Variants in TRMT44 observed in about 807,000 individuals in gnomAD.
TRMT44 encodes the protein probable tRNA (uracil-O(2)-)-methyltransferase.
In TRMT44, 78 loss-of-function variants were observed where a neutral mutation model predicts 77.3. The ratio of observed to expected loss-of-function variants is 1.01; its 90% confidence interval spans 0.84 to 1.22. The LOEUF is 1.22. TRMT44 is among the 50% of genes most tolerant of loss of function. The pLI, the probability that TRMT44 is intolerant of heterozygous loss-of-function variation, is 0.00. For missense variants in TRMT44, 1,090 were observed against 964.4 expected, an observed-to-expected ratio of 1.13 and a Z score of -1.73; for synonymous variants, 391 against 383.3, an observed-to-expected ratio of 1.02 and a Z score of -0.23.
Position 8,446,511 on chromosome 4 carries a change from G to A in TRMT44, c.655G>A (p.Glu219Lys). 1 of 1,536,540 alleles carries A rather than the reference G, an allele frequency of 6.5e-7. No homozygotes were observed. The highest frequency in any genetic ancestry group is 8.7e-7 in the Non-Finnish European group (1 of 1,146,976). ...LNGTITFLPL[E>K]EDDEGNLKVK... ...TGGAACCATAACGTTTTTGCCTTTG[G>A]AAGAAGATGATGAGGGGAACCTAAA... The change falls in exon 2 of 11, where the codon GAA (glutamate) becomes AAA (lysine). Residue 219 changes from glutamate to lysine, a missense_variant. Transcript: ENST00000389737. The surrounding 1 kb of genome is among the most constrained non-coding windows in gnomAD (Gnocchi z 4.3).
At chr4:8,469,467 G>C (rs1454872772) in intron 9 of TRMT44, among the ~76,000 whole-genome samples, 2 of 152,246 alleles carry the variant, frequency 1.3e-5, no homozygotes, top group Non-Finnish European at 1.5e-5. Flanking sequence ...TGGTCTGAAA[G>C]TTCCCACGTG....
chr4:8,480,073 C>T (rs765008932), downstream of TRMT44, among the ~76,000 whole-genome samples: 3 of 152,020 alleles, frequency 2.0e-5, no homozygotes, highest in African/African-American at 2.4e-5. Context: ...TGGACTGAAG[C>T]GGTCCTCCTG....
chr4:8,441,428 A>C lies in TRMT44; in HGVS notation c.606A>C (p.Glu202Asp). The C allele has an allele frequency of 1.3e-6, 2 of 1,516,424 alleles. No individual in the cohort carries two copies. 93.9% of individuals were successfully genotyped at this position (1,516,424 alleles called of 1,614,324 possible). The part of the protein sequence containing the change: ...PHCPLTTPRR[E>D]IVVQDVLNGT... Reference sequence around the variant, plus strand: ...GCCCCCTTACAACTCCCAGGAGGGAAATAGTCGTGCAAGGTAAGAGTGTTT... The same window carrying C: ...GCCCCCTTACAACTCCCAGGAGGGACATAGTCGTGCAAGGTAAGAGTGTTT... The change falls in exon 1 of 11, where the codon GAA (glutamate) becomes GAC (aspartate). Residue 202 changes from glutamate (E) to aspartate (D), a missense_variant. Transcript: ENST00000389737.
In TRMT44 at chr4:8,457,027, C is replaced by G. The variant is rs899727783; in HGVS notation, c.1203+2214C>G. 6.6e-4 allele frequency among the ~76,000 whole-genome samples: 71 copies of G among 108,266 alleles called. 1 individual carries two copies. The highest frequency in any genetic ancestry group is 2.1e-3 in the African/African-American group (58 of 28,044). The allele number at this position is 108,266 out of a possible 152,430, so 71.0% of individuals were successfully genotyped here. On this transcript the variant is annotated intron_variant, in intron 6 of 10. Coordinates refer to ENST00000389737, the MANE Select transcript of TRMT44 (RefSeq NM_152544.3). ...TATAGCAAGACACCCGCCCCCCCCC[C>G]CCAACTATCTCTACAAAAAATAAAA... is the stretch of plus-strand genomic sequence containing the variant.
downstream of TRMT44, among the ~76,000 whole-genome samples, chr4:8,494,614 A>G (rs1267680646): frequency 6.6e-6 from 1 of 152,156 alleles, no homozygotes. Context: ...ATGTTGATTG[A>G]TGTCTCATGT....
At chr4:8,462,398 C>T (rs1050002976) in intron 6 of TRMT44, among the ~76,000 whole-genome samples, 5 of 141,868 alleles carry the variant, frequency 3.5e-5, no homozygotes, top group African/African-American at 1.3e-4. Flanking sequence ...GCAACAAGAG[C>T]GATACTCCGT....
At position 8,441,036 on chromosome 4, in the gene TRMT44, C is replaced by G; in HGVS notation, c.214C>G (p.Pro72Ala). 2 of 1,493,228 alleles carry G rather than the reference C, an allele frequency of 1.3e-6. No homozygotes were observed. Among genetic ancestry groups the G allele is most frequent in the Non-Finnish European group, 1.8e-6 (2 of 1,128,124 alleles). The allele number at this position is 1,493,228 out of a possible 1,614,324, so 92.5% of individuals were successfully genotyped here. A position where few individuals can be genotyped will look rare whatever the true frequency, so the allele number is the denominator to read the frequency against. ...AGGCTCGGAGCAGAAGGAGCGGGGTCCGGGACCCGGCCAGGGTTCCCCCGG... is the reference window on the plus strand; with the variant it reads ...AGGCTCGGAGCAGAAGGAGCGGGGTGCGGGACCCGGCCAGGGTTCCCCCGG... ...SAGSEQKERG[P>A]GPGQGSPGGG... Residue 72 changes from proline (P) to alanine (A), a missense_variant, in exon 1 of 11, where the codon CCG (proline) becomes GCG (alanine). Physicochemically the swap from Pro to Ala is conservative, Grantham distance 27. Transcript: ENST00000389737.
In TRMT44 at chr4:8,461,264, A is replaced by C. The variant is rs1233911424; in HGVS notation, c.1204-2721A>C. ...TGTTTTCAAAACCTCAGGTTTGAGG[A>C]ATGTTGGTAATCTAGCCAGTGCACT... On this transcript the variant is annotated intron_variant, in intron 6 of 10. Transcript: ENST00000389737. The surrounding 1 kb of genome is among the most constrained non-coding windows in gnomAD (Gnocchi z 4.6). 6.6e-6 allele frequency among the ~76,000 whole-genome samples: 1 copy of C among 152,136 alleles called. No homozygotes were observed. Among genetic ancestry groups the C allele is most frequent in the African/African-American group, 2.4e-5 (1 of 41,426 alleles).
intron 5 of TRMT44, 33 bp downstream of exon 5, chr4:8,453,022 C>A: frequency 1.5e-6 from 2 of 1,353,322 alleles, no homozygotes; most frequent in Non-Finnish European, 2.0e-6. Context: ...TTTCTGGTAA[C>A]TTGTCCAGAG....
chr4:8,514,429 A>G, the TRMT44 span, among the ~76,000 whole-genome samples: 3 of 151,736 alleles, frequency 2.0e-5, no homozygotes, highest in Non-Finnish European at 4.4e-5. Context: ...GCCCGCCACC[A>G]TGCCCAGCTC....
At position 8,475,969 on chromosome 4, in the gene TRMT44, C is replaced by T. The variant is rs1220749591; in HGVS notation, c.2242C>T (p.Pro748Ser). The change falls in exon 11 of 11, where the codon CCC becomes TCC. Residue 748 changes from proline to serine, a missense_variant. Transcript: ENST00000389737. ...CCATGGGCCTGCGGAGCTGCGGCCA[C>T]CCCGGACCACCCCGAGGAAGAAGAT... Reference protein sequence around the residue: ...FAHGPAELRPPRTTPRKKIS With the variant: ...FAHGPAELRPSRTTPRKKIS The T allele has an allele frequency of 2.5e-6, 4 of 1,614,046 alleles. No homozygotes were observed. Among genetic ancestry groups the T allele is most frequent in the Non-Finnish European group, 2.5e-6 (3 of 1,180,036 alleles).
downstream of TRMT44, chr4:8,479,262 T>TA (rs1217307383): frequency 9.1e-6 from 1 of 110,292 alleles, no homozygotes; most frequent in Non-Finnish European, 2.0e-5. Flanking sequence ...CGTTTTTGCT[T>TA]GGAAACTATA....
intron 3 of TRMT44, among the ~76,000 whole-genome samples, chr4:8,450,804 T>TG (rs1462633042): frequency 6.7e-6 from 1 of 148,186 alleles, no homozygotes; most frequent in South Asian, 2.2e-4. Flanking sequence ...TTTTTTTTTT[T>TG]TTTTTTTTTT....
At position 8,463,967 on chromosome 4, in the gene TRMT44, G is replaced by C. The variant is rs377488761; in HGVS notation, c.1204-18G>C. On this transcript the variant is annotated intron_variant, in intron 6 of 10. Coordinates refer to ENST00000389737, the MANE Select transcript of TRMT44 (RefSeq NM_152544.3). ...AATGATTCACAAAACATTTCGTCTT[G>C]TTTTGTTATTCCTTTAGGAAGATGC... is the stretch of plus-strand genomic sequence containing the variant. 2.6e-5 allele frequency: 41 copies of C among 1,604,890 alleles called. No homozygotes were observed. The African/African-American group carries it at 4.5e-4, about 18-fold the overall frequency.
intron 2 of TRMT44, among the ~76,000 whole-genome samples, chr4:8,489,890 T>G (rs1577068925): frequency 6.6e-6 from 1 of 152,216 alleles, no homozygotes; most frequent in Non-Finnish European, 1.5e-5. Flanking sequence ...GGCACAGACA[T>G]GAATGATTGC....
chr4:8,466,306 G>T lies in TRMT44; in HGVS notation c.1494+745G>T, dbSNP rs115369283. ...TGAGTGAAGCCTCGGCTCTGCTGCT[G>T]CCCGTGGTGCACTCGGGCTGATCGC... On this transcript the variant is annotated intron_variant, in intron 8 of 10. Transcript: ENST00000389737. Among the ~76,000 whole-genome samples, 985 of 152,338 alleles carry T rather than the reference G, an allele frequency of 6.5e-3. 15 individuals carry two copies. The highest frequency in any genetic ancestry group is 0.022 in the African/African-American group (927 of 41,550).
At chr4:8,496,794 CT>C (rs923033983), downstream of TRMT44, among the ~76,000 whole-genome samples, 18 of 140,574 alleles carry the variant, frequency 1.3e-4, no homozygotes, top group Admixed American at 2.1e-4. Flanking sequence ...TTTTCTTTTT[CT>C]TTTTTTTTTA....
At chr4:8,443,370 G>A (rs909022643) in intron 1 of TRMT44, among the ~76,000 whole-genome samples, 4 of 152,194 alleles carry the variant, frequency 2.6e-5, no homozygotes, top group Non-Finnish European at 5.9e-5. Flanking sequence ...CAAGGAGTAC[G>A]TTTTCAGGAT....
In TRMT44 at chr4:8,441,067, GC is replaced by G. The variant is rs1724642419; in HGVS notation, c.248del (p.Pro83ArgfsTer39). On this transcript the variant is annotated frameshift_variant, in exon 1 of 11. Coordinates refer to ENST00000389737, the MANE Select transcript of TRMT44 (RefSeq NM_152544.3). LOFTEE classifies it high-confidence loss of function. The stretch of plus-strand genomic sequence containing the variant: ...CCCGGCCAGGGTTCCCCCGGAGGGG[GC>G]CCGGGTCCCAGGTCGCTATCAGGAC... Reference protein sequence around the residue: ...PGPGQGSPGGGPGPRSLSGPE... With the variant: ...PGPGQGSPGGXPGPRSLSGPE... 3 of 1,487,968 alleles carry G rather than the reference GC, an allele frequency of 2.0e-6. No homozygotes were observed. Among genetic ancestry groups the G allele is most frequent in the African/African-American group, 1.4e-5 (1 of 71,470 alleles). The allele number at this position is 1,487,968 out of a possible 1,614,324, so 92.2% of individuals were successfully genotyped here. A position where few individuals can be genotyped will look rare whatever the true frequency, so the allele number is the denominator to read the frequency against.
Sources: allele counts gnomAD v4.1 joint callset (sites outside exome capture counted in the v4.1 genomes callset), GRCh38; gene constraint gnomAD v4.1.1; non-coding constraint Gnocchi (gnomAD v3.1); transcripts MANE v1.5; gene names NCBI Gene and HGNC (gene_info 2026-07-23, HGNC 2026-07-21).